MN1: variants seen among roughly 807,000 people sequenced by gnomAD.
The protein encoded by MN1 is transcriptional activator MN1.
A neutral mutation model predicts 86.9 loss-of-function variants in MN1; 19 were observed. That is an observed-to-expected ratio of 0.22 (90% CI 0.15 to 0.32). The LOEUF is 0.32. MN1 is among the 10% of genes least tolerant of loss of function. The pLI is 1.00. For missense variants in MN1, 1,841 were observed against 1,862.0 expected (o/e 0.99, Z 0.21); for synonymous variants, 928 against 849.6 (o/e 1.09, Z -1.60).
At chr22:27,795,426 C>T (rs754002533) in intron 1 of MN1, among the ~76,000 whole-genome samples, 4 of 151,926 alleles carry the variant, frequency 2.6e-5, no homozygotes, top group African/African-American at 4.8e-5. Flanking sequence ...CACCTTAAAT[C>T]CAGGGTCAAG....
At chr22:27,785,422 C>T (rs974598655) in intron 1 of MN1, among the ~76,000 whole-genome samples, 2 of 152,210 alleles carry the variant, frequency 1.3e-5, no homozygotes, top group East Asian at 3.9e-4. Flanking sequence ...ACATCTTACG[C>T]CTGGACGCCA....
intron 1 of MN1, among the ~76,000 whole-genome samples, chr22:27,784,734 T>C (rs1033413458): frequency 6.6e-6 from 1 of 152,176 alleles, no homozygotes; most frequent in African/African-American, 2.4e-5. Context: ...CTGCTACCAT[T>C]AGTACTGGGA....
intron 1 of MN1, among the ~76,000 whole-genome samples, chr22:27,786,545 G>A (rs1933135847): frequency 6.6e-6 from 1 of 151,870 alleles, no homozygotes; most frequent in African/African-American, 2.4e-5. Context: ...CCACCCATGT[G>A]CAGAGACCTC....
In MN1 at chr22:27,799,384, C is replaced by T. The variant is rs1214589596; in HGVS notation, c.1160G>A (p.Gly387Asp). 1.3e-6 allele frequency: 2 copies of T among 1,527,934 alleles called. No individual in the cohort carries two copies. The highest frequency in any genetic ancestry group is 1.8e-6 in the Non-Finnish European group (2 of 1,141,722). 94.6% of individuals were successfully genotyped at this position (1,527,934 alleles called of 1,614,324 possible). Residue 387 changes from glycine to aspartate, a missense_variant, in exon 1 of 2, where the codon GGC (glycine) becomes GAC (aspartate). By Grantham distance (94) the Gly-to-Asp change is moderately conservative. Coordinates refer to ENST00000302326, the MANE Select transcript of MN1 (RefSeq NM_002430.3). ...ALPRPQQGEA[G>D]TPSGGLQDGG... is the part of the protein sequence containing the mutation. ...GTCCTGCAGGCCGCCGCTGGGCGTG[C>T]CCGCCTCGCCCTGCTGGGGCCGAGG...
intron 1 of MN1, among the ~76,000 whole-genome samples, chr22:27,779,283 C>T (rs1405871376): frequency 6.6e-6 from 1 of 152,176 alleles, no homozygotes; most frequent in African/African-American, 2.4e-5. Flanking sequence ...TCACTGGGGT[C>T]CTAGGAGATG....
At chr22:27,793,153 C>T (rs1245598870) in intron 1 of MN1, among the ~76,000 whole-genome samples, 1 of 151,976 alleles carries the variant, frequency 6.6e-6, no homozygotes, top group Non-Finnish European at 1.5e-5. Flanking sequence ...GATAGAGCTA[C>T]CAGGGGAAAG....
chr22:27,761,214 T>G (rs1338561514), intron 1 of MN1, among the ~76,000 whole-genome samples: 3 of 150,318 alleles, frequency 2.0e-5, no homozygotes, highest in African/African-American at 4.9e-5. Flanking sequence ...GTTCTCGCTC[T>G]CTCTCTTTCT....
At chr22:27,773,587 A>C (rs1014920453) in intron 1 of MN1, among the ~76,000 whole-genome samples, 11 of 152,136 alleles carry the variant, frequency 7.2e-5, no homozygotes, top group Non-Finnish European at 1.5e-4. Context: ...ATTGTGACTC[A>C]CTCAAGGCCA....
Position 27,800,084 on chromosome 22 carries a change from C to T in MN1, c.460G>A (p.Glu154Lys). 6.3e-7 allele frequency: 1 copy of T among 1,595,386 alleles called. No homozygotes were observed. Among genetic ancestry groups the T allele is most frequent in the South Asian group, 1.1e-5 (1 of 90,240 alleles). The change falls in exon 1 of 2, where the codon GAG (glutamate) becomes AAG (lysine). Residue 154 changes from glutamate (E) to lysine (K), a missense_variant. Transcript: ENST00000302326. The part of the protein sequence containing the change: ...GSQPPFAEGY[E>K]HMAESQGPES... ...GGCCCCTGGCTCTCCGCCATGTGCTCATAGCCCTCGGCGAAGGGCGGCTGG... is the reference window on the plus strand; with the variant it reads ...GGCCCCTGGCTCTCCGCCATGTGCTTATAGCCCTCGGCGAAGGGCGGCTGG...
At chr22:27,770,622 A>C (rs923977893) in intron 1 of MN1, among the ~76,000 whole-genome samples, 5 of 151,802 alleles carry the variant, frequency 3.3e-5, no homozygotes. Flanking sequence ...AATGATTATC[A>C]CCTGAACTTC....
At chr22:27,794,981 G>C (rs905209535) in intron 1 of MN1, among the ~76,000 whole-genome samples, 2 of 150,314 alleles carry the variant, frequency 1.3e-5, no homozygotes, top group Non-Finnish European at 3.0e-5. Flanking sequence ...GCTATCGATC[G>C]GGCCAGATCG....
chr22:27,769,709 C>A (rs118011711), intron 1 of MN1, among the ~76,000 whole-genome samples: 1 of 151,590 alleles, frequency 6.6e-6, no homozygotes, highest in African/African-American at 2.4e-5. Context: ...ACCCACCACG[C>A]CCTGTTAATT....
chr22:27,788,761 T>A (rs1933173408), intron 1 of MN1, among the ~76,000 whole-genome samples: 1 of 152,092 alleles, frequency 6.6e-6, no homozygotes, highest in Non-Finnish European at 1.5e-5. Flanking sequence ...TTATTAACTG[T>A]CATCTCACGT....
intron 1 of MN1, among the ~76,000 whole-genome samples, chr22:27,765,490 G>T (rs537001477): frequency 1.3e-5 from 2 of 152,196 alleles, no homozygotes; most frequent in Non-Finnish European, 2.9e-5. Flanking sequence ...AGTCAGCCAC[G>T]TCAGGCAGGA....
intron 1 of MN1, among the ~76,000 whole-genome samples, chr22:27,779,652 G>C (rs1380991245): frequency 6.6e-6 from 1 of 152,174 alleles, no homozygotes; most frequent in Non-Finnish European, 1.5e-5. Flanking sequence ...GTAAAATGGG[G>C]CTTGGCATGA....
chr22:27,760,618 C>A (rs1263733491), intron 1 of MN1, among the ~76,000 whole-genome samples: 1 of 152,192 alleles, frequency 6.6e-6, no homozygotes, highest in Non-Finnish European at 1.5e-5. Flanking sequence ...GGGAACCACA[C>A]CCACAACCCC....
intron 1 of MN1, among the ~76,000 whole-genome samples, chr22:27,754,368 C>T (rs1164929437): frequency 6.6e-6 from 1 of 152,192 alleles, no homozygotes; most frequent in Non-Finnish European, 1.5e-5. Context: ...GCCCATCACC[C>T]AGCAAGCCCA....
intron 1 of MN1, among the ~76,000 whole-genome samples, chr22:27,764,718 G>A (rs1601326521): frequency 6.6e-6 from 1 of 152,190 alleles, no homozygotes; most frequent in African/African-American, 2.4e-5. Flanking sequence ...GGGCTGCCAG[G>A]AGAATGACAT....
intron 1 of MN1, among the ~76,000 whole-genome samples, chr22:27,784,072 T>C (rs1933089343): frequency 6.6e-6 from 1 of 152,186 alleles, no homozygotes; most frequent in Non-Finnish European, 1.5e-5. Flanking sequence ...CCCTGAGAAC[T>C]GCCCCTCAGA....
Sources: allele counts gnomAD v4.1 joint callset (sites outside exome capture counted in the v4.1 genomes callset), GRCh38; gene constraint gnomAD v4.1.1; transcripts MANE v1.5; gene names NCBI Gene and HGNC (gene_info 2026-07-23, HGNC 2026-07-21).